The following PCMTD2 variants were observed in gnomAD, a reference collection of about 807,000 sequenced individuals.
PCMTD2 encodes protein-L-isoaspartate (D-aspartate) O-methyltransferase domain containing 2.
Under a neutral mutation model 33.4 loss-of-function variants are expected in PCMTD2, and 16 were observed. The ratio of observed to expected loss-of-function variants is 0.48; its 90% CI spans 0.32 to 0.73. PCMTD2 has a LOEUF of 0.73. PCMTD2 is among the 30% of genes least tolerant of loss of function. The probability of loss-of-function intolerance (pLI) is 0.03; values close to 1 mark genes in which losing one functional copy is unlikely to be tolerated. For synonymous variants in PCMTD2, 161 were observed against 160.8 expected (o/e 1.00, Z -0.01); for missense variants, 374 against 449.9 (o/e 0.83, Z 1.53).
At chr20:64,271,671 G>A (rs1985916070) in intron 5 of PCMTD2, 1 of 153,680 alleles carries the variant, frequency 6.5e-6, no homozygotes, top group African/African-American at 2.4e-5. Context: ...TGAAATGGTG[G>A]AAATTGGAAC....
At position 64,273,565 on chromosome 20, in the gene PCMTD2, C is replaced by T. The variant is rs1411715654; in HGVS notation, c.1051C>T (p.Leu351=). ...KVLSLPLPDP[L]KYYLLYYREK ...CCTGAGCCTCCCTCTGCCAGATCCC[C>T]TGAAATACTACTTGCTTTATTACAG... The change falls in exon 6 of 6, where the codon CTG becomes TTG. Residue 351 remains leucine, a synonymous_variant. Transcript: ENST00000308824. 6 of 1,529,662 alleles carry T rather than the reference C, an allele frequency of 3.9e-6. No individual in the cohort carries two copies. The highest frequency in any genetic ancestry group is 5.2e-6 in the Non-Finnish European group (6 of 1,143,058). 94.8% of individuals were successfully genotyped at this position (1,529,662 alleles called of 1,614,324 possible).
Position 64,273,859 on chromosome 20 carries a change from G to A in PCMTD2, c.*259G>A, listed in dbSNP as rs1312404691. 2.8e-6 allele frequency: 1 copy of A among 358,074 alleles called. No individual in the cohort carries two copies. The highest frequency in any genetic ancestry group is 2.1e-5 in the African/African-American group (1 of 47,648). 22.2% of individuals were successfully genotyped at this position (358,074 alleles called of 1,614,324 possible). On this transcript the variant is annotated 3_prime_UTR_variant, in exon 6 of 6. Coordinates refer to ENST00000308824, the MANE Select transcript of PCMTD2 (RefSeq NM_018257.3). Reference sequence around the variant, plus strand: ...CCAAAGTGGAGAGAATCTTCATAGAGAAAAAGAGAAGGCTGTTTCTTTTTC... The same window carrying A: ...CCAAAGTGGAGAGAATCTTCATAGAAAAAAAGAGAAGGCTGTTTCTTTTTC...
In PCMTD2 at chr20:64,265,180, T is replaced by C. The variant is rs1202092257; in HGVS notation, c.411-78T>C. Reference sequence around the variant, plus strand: ...GTTACATTGCTGTGGGATTTTAACCTGTGGTTAGCATAGATTTACTGTATA... The same window carrying C: ...GTTACATTGCTGTGGGATTTTAACCCGTGGTTAGCATAGATTTACTGTATA... On this transcript the variant is annotated intron_variant, in intron 3 of 5. Coordinates refer to ENST00000308824, the MANE Select transcript of PCMTD2 (RefSeq NM_018257.3). The C allele has an allele frequency of 5.8e-6, 6 of 1,031,734 alleles. No individual in the cohort carries two copies. In the East Asian group the frequency reaches 1.2e-4, roughly 21 times the overall value. 63.9% of individuals were successfully genotyped at this position (1,031,734 alleles called of 1,614,324 possible). A position where few individuals can be genotyped will look rare whatever the true frequency, so the allele number is the denominator to read the frequency against.
At chr20:64,265,182 T>C (rs1253872137) in intron 3 of PCMTD2, 76 bp from the exon 4 acceptor site, 3 of 1,044,628 alleles carry the variant, frequency 2.9e-6, no homozygotes, top group African/African-American at 1.6e-5. Context: ...TTTTAACCTG[T>C]GGTTAGCATA....
chr20:64,259,626 G>A (rs1297367226), intron 1 of PCMTD2, among the ~76,000 whole-genome samples: 1 of 152,066 alleles, frequency 6.6e-6, no homozygotes, highest in Non-Finnish European at 1.5e-5. Context: ...CTGACCTCAG[G>A]TGATCCAACT....
chr20:64,272,497 G>A (rs940359341), intron 5 of PCMTD2, among the ~76,000 whole-genome samples: 1 of 152,200 alleles, frequency 6.6e-6, no homozygotes, highest in African/African-American at 2.4e-5. Context: ...TGTTCATTGT[G>A]TAAATAACTA....
intron 2 of PCMTD2, among the ~76,000 whole-genome samples, chr20:64,264,156 A>G (rs925432760): frequency 3.7e-4 from 56 of 152,232 alleles, no homozygotes; most frequent in African/African-American, 1.3e-3. Flanking sequence ...TTCCATTTGC[A>G]AATACATGTT....
At position 64,273,942 on chromosome 20, in the gene PCMTD2, T is replaced by A; in HGVS notation, c.*342T>A. ...GAGACTGTTTGATGACCGTCCCTCA[T>A]GCAACATGCACGGTACTCACTAAAA... On this transcript the variant is annotated 3_prime_UTR_variant, in exon 6 of 6. Transcript: ENST00000308824. The A allele has an allele frequency of 5.0e-6, 1 of 200,758 alleles. No individual in the cohort carries two copies. The highest frequency in any genetic ancestry group is 1.0e-5 in the Non-Finnish European group (1 of 100,070). 12.4% of individuals were successfully genotyped at this position (200,758 alleles called of 1,614,324 possible). A position where few individuals can be genotyped will look rare whatever the true frequency, so the allele number is the denominator to read the frequency against.
intron 2 of PCMTD2, chr20:64,262,622 C>T (rs1985472693): frequency 6.6e-6 from 1 of 152,542 alleles, no homozygotes; most frequent in South Asian, 2.1e-4. Flanking sequence ...ATGTGGGTCT[C>T]TCATCTGACG....
At chr20:64,260,301 C>G in intron 2 of PCMTD2, 29 bp downstream of exon 2, 1 of 1,506,176 alleles carries the variant, frequency 6.6e-7, no homozygotes, top group Non-Finnish European at 9.2e-7. Flanking sequence ...TCTGAAAACT[C>G]ATCTGTCTCA....
Position 64,265,251 on chromosome 20 carries a change from C to A in PCMTD2, c.411-7C>A. 6.3e-7 allele frequency: 1 copy of A among 1,585,340 alleles called. No individual in the cohort carries two copies. ...TTTTAGTTGCAGGAAGCATTTTTTA[C>A]TTCCAGGTTTGACTTCTGTGAACCT... On this transcript the variant is annotated splice_region_variant and splice_polypyrimidine_tract_variant and intron_variant, in intron 3 of 5. Coordinates refer to ENST00000308824, the MANE Select transcript of PCMTD2 (RefSeq NM_018257.3).
intron 1 of PCMTD2, among the ~76,000 whole-genome samples, chr20:64,257,337 C>T (rs1354515591): frequency 1.3e-5 from 2 of 152,190 alleles, no homozygotes; most frequent in Admixed American, 6.5e-5. Context: ...CCTGGCAGTT[C>T]GCATTGTAAG....
At chr20:64,270,545 T>G (rs978343679) in intron 5 of PCMTD2, among the ~76,000 whole-genome samples, 28 of 152,028 alleles carry the variant, frequency 1.8e-4, no homozygotes, top group Non-Finnish European at 3.7e-4. Flanking sequence ...AGTGCGGGCG[T>G]GCATGGTGTG....
intron 5 of PCMTD2, chr20:64,271,563 C>G (rs1985911420): frequency 6.6e-6 from 1 of 152,648 alleles, no homozygotes; most frequent in African/African-American, 2.4e-5. Context: ...GATTCTGGTC[C>G]GGACTGGAGT....
rs750037182 is a variant in PCMTD2, at chr20:64,273,466, C to T, written c.952C>T (p.Arg318Trp). The T allele has an allele frequency of 6.8e-6, 11 of 1,612,826 alleles. No individual in the cohort carries two copies. The highest frequency in any genetic ancestry group is 6.6e-5 in the South Asian group (6 of 90,936). Reference protein sequence around the residue: ...DNSCEDLEEERREEEEKTPPE... With the variant: ...DNSCEDLEEEWREEEEKTPPE... ...CAGCTGTGAAGACTTGGAAGAGGAA[C>T]GGAGGGAAGAAGAAGAGAAGACCCC... The change falls in exon 6 of 6, where the codon CGG becomes TGG. Residue 318 changes from arginine (R) to tryptophan (W), a missense_variant. Transcript: ENST00000308824.
intron 1 of PCMTD2, chr20:64,256,881 TTAA>T (rs1236667022): frequency 6.6e-6 from 1 of 152,248 alleles, no homozygotes; most frequent in African/African-American, 2.4e-5. Context: ...GTTAGGCCCA[TTAA>T]TAGTGTACAT....
intron 5 of PCMTD2, among the ~76,000 whole-genome samples, chr20:64,269,877 G>T (rs1294123637): frequency 1.3e-5 from 2 of 148,252 alleles, no homozygotes; most frequent in African/African-American, 5.0e-5. Context: ...GGCGTGCATC[G>T]TGTGGGGTCG....
Position 64,273,303 on chromosome 20 carries a change from T to C in PCMTD2, c.789T>C (p.Thr263=). ...TTAAAAAGATTATTCATCAGGAAAC[T>C]GTGAGCAAAAACGGAAACGGACTAA... ...GTIKKIIHQE[T]VSKNGNGLKN... Residue 263 remains threonine (T), a synonymous_variant, in exon 6 of 6, where the codon ACT becomes ACC. Coordinates refer to ENST00000308824, the MANE Select transcript of PCMTD2 (RefSeq NM_018257.3). The C allele has an allele frequency of 6.2e-7, 1 of 1,614,104 alleles. No homozygotes were observed. Among genetic ancestry groups the C allele is most frequent in the Non-Finnish European group, 8.5e-7 (1 of 1,179,980 alleles).
intron 2 of PCMTD2, among the ~76,000 whole-genome samples, chr20:64,263,377 C>T (rs543867719): frequency 4.6e-5 from 7 of 152,106 alleles, no homozygotes; most frequent in Non-Finnish European, 1.0e-4. Flanking sequence ...AAGCCTTGGC[C>T]TGGGCTGGTG....
Sources: allele counts gnomAD v4.1 joint callset (sites outside exome capture counted in the v4.1 genomes callset), GRCh38; gene constraint gnomAD v4.1.1; transcripts MANE v1.5; gene names NCBI Gene and HGNC (gene_info 2026-07-23, HGNC 2026-07-21).